Variants in ELMO1 observed in about 807,000 individuals in gnomAD.
The protein encoded by ELMO1 is engulfment and cell motility 1.
A neutral mutation model predicts 98.9 loss-of-function variants in ELMO1; 26 were observed. That is an observed-to-expected ratio of 0.26 (90% CI 0.19 to 0.36). ELMO1 has a LOEUF of 0.36. Ranked by LOEUF, ELMO1 falls within the 10% of genes least tolerant of loss-of-function variation. ELMO1 has a pLI of 1.00. For synonymous variants in ELMO1, 346 were observed against 346.0 expected, an observed-to-expected ratio of 1.00 and a Z score of 0.00; for missense variants, 627 against 935.2, an observed-to-expected ratio of 0.67 and a Z score of 4.30.
chr7:37,135,781 A>G (rs1787228895), intron 13 of ELMO1, among the ~76,000 whole-genome samples: 1 of 152,162 alleles, frequency 6.6e-6, no homozygotes, highest in South Asian at 2.1e-4. Context: ...ATGAGAGGGA[A>G]CCAGAAAAAC....
intron 15 of ELMO1, among the ~76,000 whole-genome samples, chr7:37,042,861 C>T (rs1795599033): frequency 6.6e-6 from 1 of 152,318 alleles, no homozygotes; most frequent in African/African-American, 2.4e-5. Context: ...TCTAAACTAG[C>T]CCCCACACTC....
chr7:36,870,498 C>G lies in ELMO1; in HGVS notation c.1823-23G>C, dbSNP rs758899860. The G allele has an allele frequency of 1.9e-6, 3 of 1,610,802 alleles. No homozygotes were observed. In the African/African-American group the frequency reaches 4.0e-5, roughly 22 times the overall value. On this transcript the variant is annotated intron_variant, in intron 19 of 21. Transcript: ENST00000310758. This position sits in a 1 kb window ranked among gnomAD's most constrained non-coding sequence, Gnocchi z 4.4. ...GCACTGCAATTCATAAAAGAAAATG[C>G]AAGTAACTACACCATGTGAAAACTT...
intron 12 of ELMO1, among the ~76,000 whole-genome samples, chr7:37,211,774 T>C (rs1034200042): frequency 6.6e-6 from 1 of 152,172 alleles, no homozygotes; most frequent in African/African-American, 2.4e-5. Context: ...AGCACGAATA[T>C]TGATAGTCCA....
At chr7:37,000,891 T>C (rs1444302815) in intron 16 of ELMO1, among the ~76,000 whole-genome samples, 1 of 150,542 alleles carries the variant, frequency 6.6e-6, no homozygotes, top group Admixed American at 6.6e-5. Flanking sequence ...TGAGTGAAGG[T>C]GAAAATGAAA....
chr7:36,986,285 C>T (rs1443363524), intron 16 of ELMO1: 2 of 984,242 alleles, frequency 2.0e-6, no homozygotes, highest in Non-Finnish European at 2.4e-6. Context: ...CAGAGATCAT[C>T]GGCTTTTCCA....
At chr7:37,039,086 GAAA>G (rs1326076846) in intron 15 of ELMO1, among the ~76,000 whole-genome samples, 1 of 151,968 alleles carries the variant, frequency 6.6e-6, no homozygotes, top group African/African-American at 2.4e-5. Context: ...GAAAGAATTA[GAAA>G]AAGTTTTATG....
chr7:37,326,213 C>T (rs1434287013), intron 2 of ELMO1, among the ~76,000 whole-genome samples: 1 of 152,152 alleles, frequency 6.6e-6, no homozygotes, highest in East Asian at 1.9e-4. Context: ...AGGGGGCTTA[C>T]AGCAACCTCT....
intron 4 of ELMO1, among the ~76,000 whole-genome samples, chr7:37,307,460 C>G (rs1366644651): frequency 2.6e-5 from 4 of 152,172 alleles, no homozygotes; most frequent in Non-Finnish European, 5.9e-5. Context: ...GCCTACCCAG[C>G]CCTGCGGAAC....
At chr7:37,306,710 C>G (rs1383449917) in intron 4 of ELMO1, among the ~76,000 whole-genome samples, 2 of 152,094 alleles carry the variant, frequency 1.3e-5, no homozygotes, top group African/African-American at 4.8e-5. Context: ...GATGAAAATA[C>G]TGGAGGTGGA....
At chr7:37,322,413 C>T (rs914250039) in intron 2 of ELMO1, among the ~76,000 whole-genome samples, 6 of 151,834 alleles carry the variant, frequency 4.0e-5, no homozygotes, top group East Asian at 3.9e-4. Context: ...GTCAGGAGTT[C>T]GAGACCAGCC....
At chr7:36,937,384 A>C (rs1032806981) in intron 16 of ELMO1, among the ~76,000 whole-genome samples, 14 of 152,214 alleles carry the variant, frequency 9.2e-5, no homozygotes, top group African/African-American at 2.7e-4. Flanking sequence ...GATGGCCAGC[A>C]ATTCAACAGA....
chr7:37,059,330 A>G (rs1411111460), intron 15 of ELMO1, among the ~76,000 whole-genome samples: 1 of 152,232 alleles, frequency 6.6e-6, no homozygotes, highest in Non-Finnish European at 1.5e-5. Context: ...CAAGGCAGGA[A>G]TGCAAGCTTA....
intron 15 of ELMO1, among the ~76,000 whole-genome samples, chr7:37,076,816 G>A (rs1034075879): frequency 3.3e-5 from 5 of 152,164 alleles, no homozygotes; most frequent in Non-Finnish European, 4.4e-5. Context: ...CCCACTTCTG[G>A]CCAGCCAGGT....
chr7:37,172,664 T>C (rs915620461), intron 13 of ELMO1, among the ~76,000 whole-genome samples: 4 of 152,204 alleles, frequency 2.6e-5, no homozygotes, highest in Non-Finnish European at 5.9e-5. Context: ...TCAAAGGGCT[T>C]GTCTTAGGCG....
chr7:37,084,981 T>C (rs766742825), intron 15 of ELMO1, among the ~76,000 whole-genome samples: 2 of 152,124 alleles, frequency 1.3e-5, no homozygotes, highest in Non-Finnish European at 2.9e-5. Flanking sequence ...GGTTTCAAAC[T>C]CCTGACCTCA....
chr7:37,226,080 T>C (rs1793859293), intron 8 of ELMO1, among the ~76,000 whole-genome samples: 2 of 152,000 alleles, frequency 1.3e-5, no homozygotes, highest in Non-Finnish European at 2.9e-5. Context: ...CCAGGTACCA[T>C]CGGAATTGTC....
intron 15 of ELMO1, among the ~76,000 whole-genome samples, chr7:37,037,462 C>A (rs78941214): frequency 1.3e-5 from 2 of 152,160 alleles, no homozygotes; most frequent in Admixed American, 6.5e-5. Context: ...AATAATTGAG[C>A]TGCTACCTAG....
chr7:37,262,777 G>A (rs1023693227), intron 5 of ELMO1, among the ~76,000 whole-genome samples: 1 of 152,212 alleles, frequency 6.6e-6, no homozygotes. Flanking sequence ...AGGAGTCCAA[G>A]GCAGGGCTAC....
At chr7:36,994,357 A>G (rs897049662) in intron 16 of ELMO1, among the ~76,000 whole-genome samples, 1 of 152,154 alleles carries the variant, frequency 6.6e-6, no homozygotes, top group African/African-American at 2.4e-5. Flanking sequence ...TTGCACACTT[A>G]GCTCTTTTCA....
Sources: allele counts gnomAD v4.1 joint callset (sites outside exome capture counted in the v4.1 genomes callset), GRCh38; gene constraint gnomAD v4.1.1; non-coding constraint Gnocchi (gnomAD v3.1); transcripts MANE v1.5; gene names NCBI Gene and HGNC (gene_info 2026-07-23, HGNC 2026-07-21).